Variants in SH3D21 observed in about 807,000 individuals in gnomAD.
SH3D21 encodes SH3 domain-containing protein 21.
Under a neutral mutation model 82.1 loss-of-function variants are expected in SH3D21, and 83 were observed. The observed-to-expected ratio is 1.01, with a 90% CI of 0.85 to 1.21. The LOEUF (loss-of-function observed/expected upper bound fraction) is 1.21, where lower values mean the gene tolerates loss of function less well. Ranked by LOEUF, SH3D21 falls within the 50% of genes most tolerant of loss-of-function variation. The probability of loss-of-function intolerance (pLI) is 0.00; values close to 1 mark genes in which losing one functional copy is unlikely to be tolerated. For missense variants in SH3D21, 980 were observed against 962.1 expected (o/e 1.02, Z -0.25); for synonymous variants, 383 against 387.8 (o/e 0.99, Z 0.15).
chr1:36,308,020 T>C, intron 7 of SH3D21, 57 bp downstream of exon 7: 1 of 1,550,794 alleles, frequency 6.4e-7, no homozygotes, highest in East Asian at 2.4e-5. Context: ...GGTTGTGACT[T>C]GGTGGGCCAG....
At chr1:36,327,752 A>C (rs1646559661), downstream of SH3D21, 1 of 1,234,820 alleles carries the variant, frequency 8.1e-7, no homozygotes. Context: ...GCCAGGTGGG[A>C]GAAGCGGCAG....
At chr1:36,316,134 C>A (rs1646338676) in intron 10 of SH3D21, among the ~76,000 whole-genome samples, 1 of 152,162 alleles carries the variant, frequency 6.6e-6, no homozygotes, top group Non-Finnish European at 1.5e-5. Context: ...TGTTTTATGA[C>A]CTTTATTTAT....
Position 36,306,986 on chromosome 1 carries a change from C to T in SH3D21, c.226+81C>T, listed in dbSNP as rs1646138076. ...CCCCGGCGTCTCCGGCTCTTAGTGA[C>T]GGGCGCGGCTCTGGGCGGGACCTCG... On this transcript the variant is annotated intron_variant, in intron 3 of 15. Transcript: ENST00000453908. This position sits in a 1 kb window ranked among gnomAD's most constrained non-coding sequence, Gnocchi z 4.5. 3.6e-6 allele frequency: 5 copies of T among 1,379,086 alleles called. No homozygotes were observed. The highest frequency in any genetic ancestry group is 1.5e-5 in the African/African-American group (1 of 66,770). The allele number at this position is 1,379,086 out of a possible 1,614,324, so 85.4% of individuals were successfully genotyped here. A position where few individuals can be genotyped will look rare whatever the true frequency, so the allele number is the denominator to read the frequency against.
At chr1:36,322,025 C>T (rs1557489380), downstream of SH3D21, 1 of 1,283,018 alleles carries the variant, frequency 7.8e-7, no homozygotes, top group Non-Finnish European at 9.8e-7. Context: ...GAGGGAGAGA[C>T]TGAGTCACTG....
At chr1:36,310,430 A>G (rs1330937172) in intron 10 of SH3D21, among the ~76,000 whole-genome samples, 1 of 152,152 alleles carries the variant, frequency 6.6e-6, no homozygotes, top group Admixed American at 6.5e-5. Flanking sequence ...CCTGGCCAAC[A>G]TGGCAAAACC....
At chr1:36,319,562 TGGGGATG>T in intron 13 of SH3D21, 26 bp downstream of exon 13, 1 of 1,550,618 alleles carries the variant, frequency 6.4e-7, no homozygotes, top group East Asian at 2.4e-5. Flanking sequence ...CATGGGAGAG[TGGGGATG>T]CTGGGCAGAG....
Position 36,306,372 on chromosome 1 carries a change from C to A in SH3D21, c.-49C>A, listed in dbSNP as rs767874755. The A allele has an allele frequency of 1.5e-6, 2 of 1,305,286 alleles. No individual in the cohort carries two copies. Among genetic ancestry groups the A allele is most frequent in the East Asian group, 1.1e-4 (2 of 18,026 alleles). The allele number at this position is 1,305,286 out of a possible 1,614,324, so 80.9% of individuals were successfully genotyped here. A position where few individuals can be genotyped will look rare whatever the true frequency, so the allele number is the denominator to read the frequency against. ...GGTCGCACCCTGCGCGGGCCCAGTA[C>A]TCGGCCGTCAGAGGGAGCTGCCAGG... On this transcript the variant is annotated 5_prime_UTR_variant, in exon 1 of 16. Coordinates refer to ENST00000453908, the MANE Select transcript of SH3D21 (RefSeq NM_001162530.2). The surrounding 1 kb of genome is among the most constrained non-coding windows in gnomAD (Gnocchi z 4.5).
At chr1:36,314,583 G>A (rs1646307077) in intron 10 of SH3D21, among the ~76,000 whole-genome samples, 1 of 150,734 alleles carries the variant, frequency 6.6e-6, no homozygotes, top group Non-Finnish European at 1.5e-5. Context: ...AGCCTCCCAA[G>A]TAGCTAGGAT....
chr1:36,317,504 T>C (rs1646364632), intron 10 of SH3D21, among the ~76,000 whole-genome samples: 3 of 152,242 alleles, frequency 2.0e-5, no homozygotes, highest in African/African-American at 7.2e-5. Context: ...TGATGTCACC[T>C]TAGTGTGCCC....
At position 36,321,134 on chromosome 1, in the gene SH3D21, G is replaced by C. The variant is rs1180139545; in HGVS notation, c.*7G>C. On this transcript the variant is annotated 3_prime_UTR_variant, in exon 16 of 16. Coordinates refer to ENST00000453908, the MANE Select transcript of SH3D21 (RefSeq NM_001162530.2). This position sits in a 1 kb window ranked among gnomAD's most constrained non-coding sequence, Gnocchi z 6.1. ...GCAGACGCAGACCTACTGAGGGTGGGCCTGGGAAGGGACCGCGGCCTGACC... is the reference window on the plus strand; with the variant it reads ...GCAGACGCAGACCTACTGAGGGTGGCCCTGGGAAGGGACCGCGGCCTGACC... 6.2e-7 allele frequency: 1 copy of C among 1,609,390 alleles called. No individual in the cohort carries two copies. Among genetic ancestry groups the C allele is most frequent in the East Asian group, 2.2e-5 (1 of 44,750 alleles).
At chr1:36,319,605 G>C in intron 13 of SH3D21, 69 bp downstream of exon 13, 1 of 1,549,924 alleles carries the variant, frequency 6.5e-7, no homozygotes. Context: ...TGGTGTGCAC[G>C]GGTGAAGTCT....
intron 10 of SH3D21, among the ~76,000 whole-genome samples, chr1:36,318,732 C>T (rs1646386272): frequency 1.3e-5 from 2 of 151,854 alleles, no homozygotes; most frequent in Admixed American, 6.6e-5. Flanking sequence ...CGGTGAAACC[C>T]CATCTCTACT....
downstream of SH3D21, among the ~76,000 whole-genome samples, chr1:36,325,566 A>T (rs539875600): frequency 6.6e-6 from 1 of 151,980 alleles, no homozygotes; most frequent in Non-Finnish European, 1.5e-5. Flanking sequence ...TGTTTTTGAG[A>T]CGGAGTCTCG....
At chr1:36,322,371 G>T (rs1261115467), downstream of SH3D21, 1 of 1,590,884 alleles carries the variant, frequency 6.3e-7, no homozygotes, top group East Asian at 2.2e-5. Context: ...CAGCAGGTCC[G>T]GCTGCCCGGT....
rs1646160858 is a variant in SH3D21, at chr1:36,307,839, G to C, written c.492+14G>C. 5.2e-6 allele frequency: 8 copies of C among 1,551,806 alleles called. No individual in the cohort carries two copies. The highest frequency in any genetic ancestry group is 1.7e-4 in the Middle Eastern group (1 of 5,992). The stretch of plus-strand genomic sequence containing the variant: ...CGGCCTCCCAAGGTAAGTTGGCTCA[G>C]AGTAGGCACAGAGGTGGTGAGTTCC... On this transcript the variant is annotated intron_variant, in intron 6 of 15. Coordinates refer to ENST00000453908, the MANE Select transcript of SH3D21 (RefSeq NM_001162530.2). This position sits in a 1 kb window ranked among gnomAD's most constrained non-coding sequence, Gnocchi z 5.4.
In SH3D21 at chr1:36,307,666, A is replaced by G; in HGVS notation, c.436+59A>G. ...AATCTCCAATGACCCTCCCAGTGGCATGAGCCTGTGATTCACATATCCTGA... is the reference window on the plus strand; with the variant it reads ...AATCTCCAATGACCCTCCCAGTGGCGTGAGCCTGTGATTCACATATCCTGA... On this transcript the variant is annotated intron_variant, in intron 5 of 15. Coordinates refer to ENST00000453908, the MANE Select transcript of SH3D21 (RefSeq NM_001162530.2). The surrounding 1 kb of genome is among the most constrained non-coding windows in gnomAD (Gnocchi z 5.4). 2.6e-6 allele frequency: 4 copies of G among 1,543,228 alleles called. No individual in the cohort carries two copies. The highest frequency in any genetic ancestry group is 2.4e-5 in the South Asian group (2 of 83,428).
At chr1:36,322,804 A>G, downstream of SH3D21, 3 of 1,497,196 alleles carry the variant, frequency 2.0e-6, no homozygotes, top group Non-Finnish European at 2.7e-6. Context: ...CCCAGGTTCT[A>G]GGTGTGGGGG....
intron 10 of SH3D21, 81 bp downstream of exon 10, chr1:36,309,671 C>A (rs1646199249): frequency 6.8e-7 from 1 of 1,477,036 alleles, no homozygotes; most frequent in South Asian, 1.2e-5. Flanking sequence ...ACCCACAGCA[C>A]CCCAGTGGTC....
At position 36,306,894 on chromosome 1, in the gene SH3D21, C is replaced by CA; in HGVS notation, c.215_216insA (p.Arg73AlafsTer45). ...GGAGAGGCGCGGAGGCCGCGCTGTG[C>CA]GCGCCGCCGAGGTGAGCGCAAGGGC... On this transcript the variant is annotated frameshift_variant, in exon 3 of 16. Transcript: ENST00000453908. LOFTEE classifies it high-confidence loss of function. The surrounding 1 kb of genome is among the most constrained non-coding windows in gnomAD (Gnocchi z 4.5). 1 of 1,312,364 alleles carries CA rather than the reference C, an allele frequency of 7.6e-7. No homozygotes were observed. Among genetic ancestry groups the CA allele is most frequent in the Non-Finnish European group, 1.0e-6 (1 of 1,004,626 alleles). 81.3% of individuals were successfully genotyped at this position (1,312,364 alleles called of 1,614,324 possible).
Sources: allele counts gnomAD v4.1 joint callset (sites outside exome capture counted in the v4.1 genomes callset), GRCh38; gene constraint gnomAD v4.1.1; non-coding constraint Gnocchi (gnomAD v3.1); transcripts MANE v1.5; gene names NCBI Gene and HGNC (gene_info 2026-07-23, HGNC 2026-07-21).